The following ATP10B variants were observed in gnomAD, a reference collection of about 807,000 sequenced individuals.
ATP10B encodes the protein phospholipid-transporting ATPase VB.
A neutral mutation model predicts 141.2 loss-of-function variants in ATP10B; 122 were observed. The observed-to-expected ratio is 0.86, with a 90% CI of 0.75 to 1.00. The LOEUF (loss-of-function observed/expected upper bound fraction) is 1.00. Ranked by LOEUF, ATP10B falls within the 50% of genes least tolerant of loss-of-function variation. The pLI, the probability that ATP10B is intolerant of heterozygous loss-of-function variation, is 0.00. For synonymous variants in ATP10B, 685 were observed against 692.0 expected (o/e 0.99, Z 0.16); for missense variants, 1,876 against 1,825.3 (o/e 1.03, Z -0.51).
chr5:160,884,584 C>A, the ATP10B span, among the ~76,000 whole-genome samples: 12 of 152,102 alleles, frequency 7.9e-5, no homozygotes, highest in Non-Finnish European at 1.3e-4. Context: ...GGAGATACCA[C>A]AGCTCAGAGT....
chr5:160,785,484 A>G, intron 2 of ATP10B, 75 bp downstream of exon 2: 1 of 395,104 alleles, frequency 2.5e-6, no homozygotes, highest in Non-Finnish European at 4.9e-6. Context: ...GTGCAAGTTT[A>G]TTTCATGGGT....
chr5:160,583,769 A>T (rs6888806), intron 24 of ATP10B, among the ~76,000 whole-genome samples: 119,518 of 152,118 alleles, frequency 0.79, 47,106 homozygotes, highest in East Asian at 0.85. Context: ...TACAGAAGCT[A>T]TGAAGTGCTG....
At chr5:160,888,926 A>G in the ATP10B span, among the ~76,000 whole-genome samples, 3 of 152,246 alleles carry the variant, frequency 2.0e-5, no homozygotes, top group Non-Finnish European at 4.4e-5. Context: ...TTGTTTTGTC[A>G]TAACACTCAA....
Position 160,800,995 on chromosome 5 carries a change from G to A in ATP10B, c.-575-15192C>T, listed in dbSNP as rs575381066. Among the ~76,000 whole-genome samples, 204 of 152,240 alleles carry A rather than the reference G, an allele frequency of 1.3e-3. 2 individuals are homozygous for A. The highest frequency in any genetic ancestry group is 4.6e-3 in the African/African-American group (193 of 41,540). On this transcript the variant is annotated intron_variant, in intron 1 of 25. Transcript: ENST00000327245. ...TGCTGGCTCTTGGTCCCTTTGACAT[G>A]CTGTAGAATCCTTGCCAGCCCTCAA...
Position 160,607,004 on chromosome 5 carries a change from A to G in ATP10B, c.2921T>C (p.Phe974Ser), listed in dbSNP as rs1581191165. The change falls in exon 19 of 26, where the codon TTT (phenylalanine) becomes TCT (serine). Residue 974 changes from phenylalanine to serine, a missense_variant. Phe to Ser is a radical substitution (Grantham distance 155). Coordinates refer to ENST00000327245, the MANE Select transcript of ATP10B (RefSeq NM_025153.3). Reference protein sequence around the residue: ...RELQKPDRKLFGFRLPSKTPS... With the variant: ...RELQKPDRKLSGFRLPSKTPS... ...TGTCTTGGAAGGTAAGCGGAATCCA[A>G]AGAGCTTGCGGTCTGGCTTCTGTAG... 6.2e-7 allele frequency: 1 copy of G among 1,614,150 alleles called. No homozygotes were observed. Among genetic ancestry groups the G allele is most frequent in the Non-Finnish European group, 8.5e-7 (1 of 1,180,014 alleles).
intron 7 of ATP10B, among the ~76,000 whole-genome samples, chr5:160,659,891 G>A (rs965365238): frequency 3.3e-5 from 5 of 152,152 alleles, no homozygotes; most frequent in East Asian, 1.9e-4. Context: ...AATCAGGTAC[G>A]TCAGAACTGA....
chr5:160,663,185 TTGG>T (rs1762064248), intron 7 of ATP10B, among the ~76,000 whole-genome samples: 1 of 152,152 alleles, frequency 6.6e-6, no homozygotes, highest in Non-Finnish European at 1.5e-5. Context: ...TTTTACACTG[TTGG>T]TGGGACTGTA....
intron 24 of ATP10B, among the ~76,000 whole-genome samples, chr5:160,572,027 T>C (rs1754905668): frequency 6.6e-6 from 1 of 152,220 alleles, no homozygotes; most frequent in African/African-American, 2.4e-5. Context: ...TATTGATTTC[T>C]GAAACTTTTG....
At chr5:160,878,593 C>A in the ATP10B span, among the ~76,000 whole-genome samples, 1 of 151,786 alleles carries the variant, frequency 6.6e-6, no homozygotes, top group Non-Finnish European at 1.5e-5. Context: ...TCAGAGCGAA[C>A]AGGCAACCTA....
At chr5:160,637,456 G>A (rs565961305) in intron 10 of ATP10B, among the ~76,000 whole-genome samples, 3 of 152,300 alleles carry the variant, frequency 2.0e-5, no homozygotes, top group Non-Finnish European at 2.9e-5. Flanking sequence ...AAATTAGGGA[G>A]CCAGGCATAA....
chr5:160,837,420 T>C (rs1775515097), intron 1 of ATP10B, among the ~76,000 whole-genome samples: 1 of 152,200 alleles, frequency 6.6e-6, no homozygotes. Context: ...GTTAAATATT[T>C]GTTGAAATGA....
intron 7 of ATP10B, among the ~76,000 whole-genome samples, chr5:160,652,384 G>A (rs1434017569): frequency 6.6e-6 from 1 of 151,762 alleles, no homozygotes; most frequent in African/African-American, 2.4e-5. Flanking sequence ...TGCTGGGCCA[G>A]CTCAAGACAC....
At chr5:160,813,468 G>GT (rs761090214) in intron 1 of ATP10B, among the ~76,000 whole-genome samples, 35 of 152,208 alleles carry the variant, frequency 2.3e-4, no homozygotes, top group Non-Finnish European at 4.1e-4. Flanking sequence ...GCTTGAGTAG[G>GT]TAAACAAAGC....
rs758981756 is a variant in ATP10B at position 160,686,270 on chromosome 5, C to G, written c.279G>C (p.Trp93Cys). 6.3e-6 allele frequency: 10 copies of G among 1,578,640 alleles called. No individual in the cohort carries two copies. The Admixed American group carries it at 1.4e-4, about 22-fold the overall frequency. The change falls in exon 6 of 26, where the codon TGG becomes TGC. Residue 93 changes from tryptophan (W) to cysteine (C), a missense_variant. By Grantham distance (215) the Trp-to-Cys change is radical. Coordinates refer to ENST00000327245, the MANE Select transcript of ATP10B (RefSeq NM_025153.3). Reference sequence around the variant, plus strand: ...CCAGGAACAGGAAATAGAGGTTAGCCCATCTGGAGGGGCAAGCGAAGTGTG... The same window carrying G: ...CCAGGAACAGGAAATAGAGGTTAGCGCATCTGGAGGGGCAAGCGAAGTGTG... Reference protein sequence around the residue: ...PRNLFEQFHRWANLYFLFLVI... With the variant: ...PRNLFEQFHRCANLYFLFLVI...
At chr5:160,577,548 G>C (rs1441080693) in intron 24 of ATP10B, among the ~76,000 whole-genome samples, 8 of 152,186 alleles carry the variant, frequency 5.3e-5, no homozygotes, top group Non-Finnish European at 1.2e-4. Context: ...GGGCTGGAGA[G>C]CACCGCGTCC....
intron 13 of ATP10B, among the ~76,000 whole-genome samples, chr5:160,625,374 T>A (rs998736512): frequency 6.6e-6 from 1 of 152,194 alleles, no homozygotes; most frequent in African/African-American, 2.4e-5. Flanking sequence ...ATGAGAGTGA[T>A]AAAAGGGATT....
At chr5:160,637,496 G>A (rs901379794) in intron 10 of ATP10B, among the ~76,000 whole-genome samples, 4 of 152,218 alleles carry the variant, frequency 2.6e-5, no homozygotes, top group African/African-American at 4.8e-5. Flanking sequence ...TATGAGAGGT[G>A]CAATAGCAGA....
the ATP10B span, among the ~76,000 whole-genome samples, chr5:160,867,620 T>C: frequency 6.6e-6 from 1 of 152,080 alleles, no homozygotes; most frequent in East Asian, 1.9e-4. Flanking sequence ...ATTTTTGACT[T>C]AGATTGGGAG....
At chr5:160,820,045 G>A (rs910654343) in intron 1 of ATP10B, among the ~76,000 whole-genome samples, 1 of 151,284 alleles carries the variant, frequency 6.6e-6, no homozygotes, top group South Asian at 2.1e-4. Flanking sequence ...AGAAATAAAT[G>A]AATTCAAAAT....
Sources: gnomAD v4.1 joint callset for allele counts (sites outside exome capture counted in the v4.1 genomes callset) on GRCh38, gnomAD v4.1.1 for gene constraint, MANE v1.5 for transcripts, NCBI Gene and HGNC (gene_info 2026-07-23, HGNC 2026-07-21) for gene names.